The following LRMDA variants were observed in gnomAD, a reference collection of about 807,000 sequenced individuals.
LRMDA encodes the protein leucine rich melanocyte differentiation associated, also known as leucine-rich melanocyte differentiation-associated protein.
A neutral mutation model predicts 29.8 loss-of-function variants in LRMDA; 18 were observed. The observed-to-expected ratio is 0.60, with a 90% CI of 0.42 to 0.90. The LOEUF (loss-of-function observed/expected upper bound fraction) is 0.90, where lower values mean the gene tolerates loss of function less well. Among genes scored for constraint, LRMDA ranks in the 40% least tolerant of loss-of-function variants. The probability of loss-of-function intolerance (pLI) is 0.00; values close to 1 mark genes in which losing one functional copy is unlikely to be tolerated. For synonymous variants in LRMDA, 125 were observed against 109.4 expected (o/e 1.14, Z -0.89); for missense variants, 273 against 273.9 (o/e 1.00, Z 0.02).
chr10:75,923,837 G>A (rs1228339375), intron 2 of LRMDA, among the ~76,000 whole-genome samples: 2 of 152,080 alleles, frequency 1.3e-5, no homozygotes, highest in Non-Finnish European at 1.5e-5. Context: ...TTACCCCCTT[G>A]CATTGGAGTA....
chr10:76,127,324 C>G (rs1849901321), intron 5 of LRMDA, among the ~76,000 whole-genome samples: 4 of 152,220 alleles, frequency 2.6e-5, no homozygotes, highest in Non-Finnish European at 4.4e-5. Flanking sequence ...TAGAAGCACT[C>G]TTAACCAACT....
chr10:75,624,613 G>A (rs1241863190), intron 2 of LRMDA, among the ~76,000 whole-genome samples: 4 of 152,040 alleles, frequency 2.6e-5, no homozygotes, highest in African/African-American at 9.7e-5. Context: ...TAGGATGATA[G>A]AATAATATAA....
intron 4 of LRMDA, among the ~76,000 whole-genome samples, chr10:76,053,940 C>G (rs1021279653): frequency 6.6e-6 from 1 of 152,174 alleles, no homozygotes; most frequent in African/African-American, 2.4e-5. Context: ...ATCAGAAACT[C>G]TGGGGATGGG....
intron 2 of LRMDA, among the ~76,000 whole-genome samples, chr10:75,559,244 T>A (rs1301411581): frequency 1.3e-5 from 2 of 152,148 alleles, no homozygotes; most frequent in East Asian, 3.9e-4. Flanking sequence ...TGAGATGGTA[T>A]CTCATTGTGG....
At chr10:76,220,428 T>C (rs996767169) in intron 5 of LRMDA, among the ~76,000 whole-genome samples, 4 of 151,840 alleles carry the variant, frequency 2.6e-5, no homozygotes, top group African/African-American at 7.3e-5. Flanking sequence ...TAAAAAATGA[T>C]AAAGGGGATA....
rs556833015 is a variant in LRMDA at position 76,065,105 on chromosome 10, T to G, written c.516+6322T>G. Among the ~76,000 whole-genome samples the G allele has an allele frequency of 9.8e-5, 15 of 152,338 alleles. No individual in the cohort carries two copies. In the South Asian group the frequency reaches 3.1e-3, roughly 32 times the overall value. On this transcript the variant is annotated intron_variant, in intron 5 of 6. Coordinates refer to ENST00000611255, the MANE Select transcript of LRMDA (RefSeq NM_001305581.2). ...TGGGAGCCAAACATTTGCAGTTTGT[T>G]TGTTTTTTCAACCTTATTCCTGACT...
intron 5 of LRMDA, among the ~76,000 whole-genome samples, chr10:76,199,177 A>T (rs531498407): frequency 6.6e-6 from 1 of 152,188 alleles, no homozygotes; most frequent in African/African-American, 2.4e-5. Flanking sequence ...TTGGAACTTC[A>T]TATTCATGAA....
At chr10:75,494,959 C>T (rs371467784) in intron 2 of LRMDA, among the ~76,000 whole-genome samples, 110 of 152,284 alleles carry the variant, frequency 7.2e-4, no homozygotes, top group Middle Eastern at 3.4e-3. Context: ...GTCCACATTC[C>T]AGGCTGGCAG....
intron 4 of LRMDA, among the ~76,000 whole-genome samples, chr10:76,048,757 C>T (rs1226812361): frequency 6.6e-6 from 1 of 152,200 alleles, no homozygotes; most frequent in Non-Finnish European, 1.5e-5. Context: ...TCTTCCTTTA[C>T]TGTCTCACAC....
At chr10:76,015,601 G>A (rs1046913321) in intron 2 of LRMDA, among the ~76,000 whole-genome samples, 1 of 152,148 alleles carries the variant, frequency 6.6e-6, no homozygotes, top group African/African-American at 2.4e-5. Context: ...TTCATTAGAA[G>A]CAAGTCGAGA....
intron 5 of LRMDA, among the ~76,000 whole-genome samples, chr10:76,089,978 A>G (rs1010870156): frequency 6.6e-6 from 1 of 152,226 alleles, no homozygotes; most frequent in Non-Finnish European, 1.5e-5. Context: ...AGAACAGCAA[A>G]TGATAAATGC....
chr10:76,418,886 A>T (rs146459903), intron 6 of LRMDA, among the ~76,000 whole-genome samples: 1 of 152,164 alleles, frequency 6.6e-6, no homozygotes, highest in East Asian at 1.9e-4. Flanking sequence ...TTATTATATT[A>T]ATGTGATGAA....
intron 6 of LRMDA, among the ~76,000 whole-genome samples, chr10:76,429,653 A>G (rs1842170288): frequency 6.6e-6 from 1 of 152,188 alleles, no homozygotes; most frequent in African/African-American, 2.4e-5. Context: ...CATTGTAGCT[A>G]CAATGAACAT....
At chr10:75,474,751 G>A (rs938267735) in intron 2 of LRMDA, among the ~76,000 whole-genome samples, 6 of 152,156 alleles carry the variant, frequency 3.9e-5, no homozygotes, top group Non-Finnish European at 5.9e-5. Context: ...CCTATTTCTT[G>A]GGGGCTGGCC....
At chr10:75,778,234 T>C (rs1011200382) in intron 2 of LRMDA, among the ~76,000 whole-genome samples, 2 of 152,224 alleles carry the variant, frequency 1.3e-5, no homozygotes, top group Non-Finnish European at 2.9e-5. Context: ...CACGCCACCA[T>C]GCCCAGATAA....
chr10:76,380,362 T>A (rs954399659), intron 6 of LRMDA, among the ~76,000 whole-genome samples: 17 of 152,242 alleles, frequency 1.1e-4, no homozygotes, highest in African/African-American at 3.4e-4. Context: ...CTTATGTTTG[T>A]GTATCTTAAG....
intron 2 of LRMDA, among the ~76,000 whole-genome samples, chr10:75,508,555 A>T (rs915009507): frequency 3.3e-5 from 5 of 152,220 alleles, no homozygotes; most frequent in African/African-American, 1.2e-4. Flanking sequence ...TAGGCCAGAC[A>T]TCATTTTAAT....
At position 76,524,382 on chromosome 10, in the gene LRMDA, A is replaced by G. The variant is rs753196289; in HGVS notation, c.602-32827A>G. Among the ~76,000 whole-genome samples the G allele has an allele frequency of 5.3e-5, 8 of 152,250 alleles. 1 individual carries two copies. The highest frequency in any genetic ancestry group is 1.0e-4 in the Non-Finnish European group (7 of 68,042). On this transcript the variant is annotated intron_variant, in intron 6 of 6. Transcript: ENST00000611255. ...CAGCGCTTACATTCTGCAGCAATTC[A>G]TTAACGAAAACGTAAACTCTGATAT...
intron 6 of LRMDA, among the ~76,000 whole-genome samples, chr10:76,468,985 A>T (rs200634301): frequency 1.3e-5 from 2 of 152,206 alleles, no homozygotes; most frequent in East Asian, 3.9e-4. Flanking sequence ...AGTGAAGCAA[A>T]TGTAACTGGT....
Sources: gnomAD v4.1 joint callset for allele counts (sites outside exome capture counted in the v4.1 genomes callset) on GRCh38, gnomAD v4.1.1 for gene constraint, MANE v1.5 for transcripts, NCBI Gene and HGNC (gene_info 2026-07-23, HGNC 2026-07-21) for gene names.